GLT1D1: variants seen among roughly 807,000 people sequenced by gnomAD.
GLT1D1 encodes the protein glycosyltransferase 1 domain containing 1.
A neutral mutation model predicts 28.7 loss-of-function variants in GLT1D1; 21 were observed. The observed-to-expected ratio is 0.73, with a 90% CI of 0.52 to 1.05. GLT1D1 has a LOEUF of 1.05. Among genes scored for constraint, GLT1D1 ranks in the 50% least tolerant of loss-of-function variants. The pLI, the probability that GLT1D1 is intolerant of heterozygous loss-of-function variation, is 0.00. For missense variants in GLT1D1, 343 were observed against 330.6 expected (o/e 1.04, Z -0.29); for synonymous variants, 147 against 124.8 (o/e 1.18, Z -1.19).
At chr12:128,871,300 G>C (rs1956682352) in intron 1 of GLT1D1, among the ~76,000 whole-genome samples, 1 of 152,186 alleles carries the variant, frequency 6.6e-6, no homozygotes. Context: ...TAGCTTGACT[G>C]CTGCAGGCAT....
chr12:128,899,712 G>C (rs767097778), intron 4 of GLT1D1, among the ~76,000 whole-genome samples: 11 of 151,936 alleles, frequency 7.2e-5, no homozygotes, highest in Non-Finnish European at 1.5e-4. Context: ...ACCATACCCA[G>C]CTAATTTTTT....
chr12:128,973,563 G>A (rs1050689092), intron 7 of GLT1D1, among the ~76,000 whole-genome samples: 6 of 151,600 alleles, frequency 4.0e-5, no homozygotes, highest in Middle Eastern at 3.4e-3. Flanking sequence ...ACTTTAATGG[G>A]CTGCTCTTTC....
intron 4 of GLT1D1, among the ~76,000 whole-genome samples, chr12:128,921,550 A>G (rs975228428): frequency 4.0e-5 from 6 of 151,898 alleles, no homozygotes; most frequent in African/African-American, 1.4e-4. Context: ...GAGTTGCAAC[A>G]TAATATGTTT....
intron 1 of GLT1D1, among the ~76,000 whole-genome samples, chr12:128,857,657 A>G (rs1956255455): frequency 6.6e-6 from 1 of 152,190 alleles, no homozygotes; most frequent in African/African-American, 2.4e-5. Context: ...TCTCTGCCAA[A>G]GACCCCGGAG....
Position 128,942,969 on chromosome 12 carries a change from G to A in GLT1D1, c.376-2357G>A, listed in dbSNP as rs60824871. Among the ~76,000 whole-genome samples the A allele has an allele frequency of 4.6e-3, 696 of 152,050 alleles. 9 individuals are homozygous for A. The highest frequency in any genetic ancestry group is 0.016 in the African/African-American group (650 of 41,484). The stretch of plus-strand genomic sequence containing the variant: ...TCACCATGTTGGCCAGGATAGTCTC[G>A]ATCTCCTGACCTCATGATCCACCCG... On this transcript the variant is annotated intron_variant, in intron 4 of 7. Coordinates refer to ENST00000281703, the MANE Select transcript of GLT1D1 (RefSeq NM_144669.3).
intron 4 of GLT1D1, 115 bp from the exon 9 acceptor site, chr12:128,945,211 G>C: frequency 9.3e-7 from 1 of 1,071,068 alleles, no homozygotes. Context: ...CCCCGTGGCC[G>C]CAGACCGAGG....
chr12:128,974,304 G>T (rs1253451254), intron 7 of GLT1D1, among the ~76,000 whole-genome samples: 1 of 152,058 alleles, frequency 6.6e-6, no homozygotes, highest in Admixed American at 6.5e-5. Context: ...GCTCACAGAT[G>T]GCAAGGGCTC....
chr12:128,857,289 G>A (rs1026558867), intron 1 of GLT1D1, among the ~76,000 whole-genome samples: 1 of 152,210 alleles, frequency 6.6e-6, no homozygotes, highest in East Asian at 1.9e-4. Flanking sequence ...AGGGGAAGGA[G>A]GCGGGCAGGG....
chr12:128,865,339 C>T (rs920672897), intron 1 of GLT1D1, among the ~76,000 whole-genome samples: 7 of 151,970 alleles, frequency 4.6e-5, no homozygotes, highest in Non-Finnish European at 1.0e-4. Flanking sequence ...TTTAGTTTGA[C>T]AACTAGTAAT....
intron 1 of GLT1D1, among the ~76,000 whole-genome samples, chr12:128,867,120 G>A (rs1321067348): frequency 2.6e-5 from 4 of 151,494 alleles, no homozygotes; most frequent in Non-Finnish European, 4.4e-5. Flanking sequence ...GCCCTTGGGC[G>A]CAGTGGCTCA....
At chr12:128,956,076 G>A (rs956488244) in intron 6 of GLT1D1, among the ~76,000 whole-genome samples, 1 of 148,726 alleles carries the variant, frequency 6.7e-6, no homozygotes, top group Non-Finnish European at 1.5e-5. Flanking sequence ...GGAGAATGGC[G>A]TGAACCCGAG....
At chr12:128,976,098 G>A (rs1164966478) in intron 7 of GLT1D1, among the ~76,000 whole-genome samples, 1 of 152,230 alleles carries the variant, frequency 6.6e-6, no homozygotes, top group Non-Finnish European at 1.5e-5. Flanking sequence ...AAGTACCACA[G>A]TCAGATGCAC....
chr12:128,901,720 C>G (rs1870295437), intron 4 of GLT1D1, among the ~76,000 whole-genome samples: 1 of 151,682 alleles, frequency 6.6e-6, no homozygotes, highest in African/African-American at 2.4e-5. Context: ...CAGGCGTGAG[C>G]CACCATGCCT....
At chr12:128,904,587 C>G (rs1478511865) in intron 4 of GLT1D1, among the ~76,000 whole-genome samples, 1 of 149,568 alleles carries the variant, frequency 6.7e-6, no homozygotes, top group African/African-American at 2.5e-5. Flanking sequence ...ATGTGAGTCA[C>G]TGGTGTCCAG....
At chr12:128,901,412 G>C (rs892967061) in intron 4 of GLT1D1, among the ~76,000 whole-genome samples, 2 of 150,610 alleles carry the variant, frequency 1.3e-5, no homozygotes, top group African/African-American at 4.9e-5. Flanking sequence ...GAGCCACCGC[G>C]CCTGACCTTT....
At position 128,884,888 on chromosome 12, in the gene GLT1D1, G is replaced by A. The variant is rs997607994; in HGVS notation, c.218-3751G>A. Among the ~76,000 whole-genome samples the A allele has an allele frequency of 2.0e-5, 3 of 151,348 alleles. No individual in the cohort carries two copies. The South Asian group carries it at 6.3e-4, about 32-fold the overall frequency. Reference sequence around the variant, plus strand: ...TCATCACCAAATAAATGATAAATATGTGAGGTAATACATATATTAATTAGC... The same window carrying A: ...TCATCACCAAATAAATGATAAATATATGAGGTAATACATATATTAATTAGC... On this transcript the variant is annotated intron_variant, in intron 2 of 7. Coordinates refer to ENST00000281703, the MANE Select transcript of GLT1D1 (RefSeq NM_144669.3).
chr12:128,889,867 C>T (rs1219583541), intron 3 of GLT1D1, among the ~76,000 whole-genome samples: 1 of 152,180 alleles, frequency 6.6e-6, no homozygotes, highest in East Asian at 1.9e-4. Flanking sequence ...CTCAGCCTCC[C>T]GGGTTCAGGC....
intron 6 of GLT1D1, among the ~76,000 whole-genome samples, chr12:128,956,924 C>T (rs1877370436): frequency 6.6e-6 from 1 of 152,190 alleles, no homozygotes; most frequent in African/African-American, 2.4e-5. Context: ...AAAGAGAACC[C>T]GCAAAATGCC....
At chr12:128,959,900 G>C (rs1421129682) in intron 7 of GLT1D1, among the ~76,000 whole-genome samples, 1 of 152,096 alleles carries the variant, frequency 6.6e-6, no homozygotes, top group Non-Finnish European at 1.5e-5. Context: ...ACCAAAGAAA[G>C]CACTCCAACT....
Sources: allele counts gnomAD v4.1 joint callset (sites outside exome capture counted in the v4.1 genomes callset), GRCh38; gene constraint gnomAD v4.1.1; transcripts MANE v1.5; gene names NCBI Gene and HGNC (gene_info 2026-07-23, HGNC 2026-07-21).